Variants in SCARA3 observed in about 807,000 individuals in gnomAD.
The protein encoded by SCARA3 is scavenger receptor class A member 3.
SCARA3 carries 39 observed loss-of-function variants against 47.0 expected under a neutral mutation model. The observed-to-expected ratio is 0.83, with a 90% CI of 0.64 to 1.08. The LOEUF is 1.08. SCARA3 is among the 50% of genes least tolerant of loss of function. The pLI is 0.00. For missense variants in SCARA3, 724 were observed against 792.3 expected, an observed-to-expected ratio of 0.91 and a Z score of 1.04; for synonymous variants, 356 against 334.1, an observed-to-expected ratio of 1.07 and a Z score of -0.71.
chr8:27,686,611 C>T, the SCARA3 span, among the ~76,000 whole-genome samples: 37 of 152,292 alleles, frequency 2.4e-4, no homozygotes, highest in South Asian at 6.0e-3. Context: ...ATCTACACCG[C>T]ACCTCCCTGG....
At chr8:27,730,055 GC>G in the SCARA3 span, among the ~76,000 whole-genome samples, 113 of 152,222 alleles carry the variant, frequency 7.4e-4, no homozygotes, top group African/African-American at 2.7e-3. Flanking sequence ...GGTGCCTGGG[GC>G]CAGTCCTGTT....
At chr8:27,725,539 A>AAC in the SCARA3 span, among the ~76,000 whole-genome samples, 1 of 151,836 alleles carries the variant, frequency 6.6e-6, no homozygotes, top group Non-Finnish European at 1.5e-5. Flanking sequence ...CAAAAAAAAA[A>AAC]AAACCAGAAT....
intron 1 of SCARA3, among the ~76,000 whole-genome samples, chr8:27,640,115 CTT>C (rs1195228849): frequency 6.6e-6 from 1 of 152,106 alleles, no homozygotes; most frequent in African/African-American, 2.4e-5. Context: ...GAAAGAATCT[CTT>C]TATCGGGAGG....
intron 5 of SCARA3, among the ~76,000 whole-genome samples, chr8:27,664,799 G>A (rs1801982175): frequency 6.6e-6 from 1 of 151,090 alleles, no homozygotes; most frequent in Non-Finnish European, 1.5e-5. Context: ...ATGACTAGGA[G>A]TCCTAGTCAT....
In SCARA3 at chr8:27,672,371, A is replaced by T. The variant is rs1410176067; in HGVS notation, c.*1020A>T. 1.0e-6 allele frequency: 1 copy of T among 985,380 alleles called. No individual in the cohort carries two copies. Among genetic ancestry groups the T allele is most frequent in the Non-Finnish European group, 1.2e-6 (1 of 829,992 alleles). 61.0% of individuals were successfully genotyped at this position (985,380 alleles called of 1,614,324 possible). A position where few individuals can be genotyped will look rare whatever the true frequency, so the allele number is the denominator to read the frequency against. On this transcript the variant is annotated 3_prime_UTR_variant, in exon 6 of 6. Transcript: ENST00000301904. ...CTGAGTGGAGATGGGAGACAGAGGC[A>T]GGCCAGAAGGTTCTCTCTGCACAGC...
Position 27,656,532 on chromosome 8 carries a change from C to T in SCARA3, c.227-250C>T, listed in dbSNP as rs181642280. Among the ~76,000 whole-genome samples, 91 of 152,128 alleles carry T rather than the reference C, an allele frequency of 6.0e-4. No individual in the cohort carries two copies. The East Asian group carries it at 8.1e-3, about 14-fold the overall frequency. ...TTTTAATTTTTTTTCTGAATTTTCCCTGTTCCATTCTGTGATCAGGTCCTA... is the reference window on the plus strand; with the variant it reads ...TTTTAATTTTTTTTCTGAATTTTCCTTGTTCCATTCTGTGATCAGGTCCTA... On this transcript the variant is annotated intron_variant, in intron 3 of 5. Transcript: ENST00000301904.
intron 3 of SCARA3, among the ~76,000 whole-genome samples, chr8:27,653,278 T>C (rs1448692434): frequency 6.6e-6 from 1 of 152,136 alleles, no homozygotes; most frequent in Non-Finnish European, 1.5e-5. Flanking sequence ...ATAACATCCA[T>C]GAGTCAGCCT....
Position 27,671,668 on chromosome 8 carries a change from ATGCACACATACACG to A in SCARA3, c.*331_*344del, listed in dbSNP as rs1225182266. 8 of 1,073,826 alleles carry A rather than the reference ATGCACACATACACG, an allele frequency of 7.4e-6. No individual in the cohort carries two copies. In the East Asian group the frequency reaches 1.9e-4, roughly 26 times the overall value. The allele number at this position is 1,073,826 out of a possible 1,614,324, so 66.5% of individuals were successfully genotyped here. A position where few individuals can be genotyped will look rare whatever the true frequency, so the allele number is the denominator to read the frequency against. ...CACACACACATGCACGCACACACACATGCACACATACACGTGCACACATACACAGGCACACATGC... is the reference window on the plus strand; with the variant it reads ...CACACACACATGCACGCACACACACATGCACACATACACAGGCACACATGC... On this transcript the variant is annotated 3_prime_UTR_variant, in exon 6 of 6. Transcript: ENST00000301904.
chr8:27,724,945 G>A, the SCARA3 span, among the ~76,000 whole-genome samples: 7 of 152,176 alleles, frequency 4.6e-5, no homozygotes, highest in African/African-American at 1.7e-4. Flanking sequence ...TTGACTGAAA[G>A]TAGCAAGTCA....
At chr8:27,721,032 T>C in the SCARA3 span, among the ~76,000 whole-genome samples, 449 of 152,126 alleles carry the variant, frequency 3.0e-3, 4 homozygotes, top group Non-Finnish European at 3.0e-3. Flanking sequence ...TGCCAATTCA[T>C]CCATTCATGC....
At chr8:27,708,371 C>G in the SCARA3 span, among the ~76,000 whole-genome samples, 538 of 152,214 alleles carry the variant, frequency 3.5e-3, 1 homozygote, top group Non-Finnish European at 5.6e-3. Context: ...CTTGACTCTG[C>G]TACAAACAAT....
At chr8:27,666,190 T>C (rs1315965968) in intron 5 of SCARA3, among the ~76,000 whole-genome samples, 2 of 152,222 alleles carry the variant, frequency 1.3e-5, no homozygotes, top group Non-Finnish European at 2.9e-5. Context: ...CCTGTGATGC[T>C]GCTGAAAACT....
chr8:27,717,416 A>C, the SCARA3 span, among the ~76,000 whole-genome samples: 1 of 152,250 alleles, frequency 6.6e-6, no homozygotes, highest in African/African-American at 2.4e-5. Context: ...GGAAGGAGTC[A>C]GGCATGGGGC....
At chr8:27,673,086 G>A (rs935260716), downstream of SCARA3, 7 of 815,306 alleles carry the variant, frequency 8.6e-6, no homozygotes, top group African/African-American at 1.1e-4. Flanking sequence ...CACTCCAGGT[G>A]GGCCTCTGAA....
chr8:27,717,731 T>C, the SCARA3 span, among the ~76,000 whole-genome samples: 2 of 151,922 alleles, frequency 1.3e-5, no homozygotes, highest in Non-Finnish European at 2.9e-5. Flanking sequence ...GTTACAGAGA[T>C]ACAAGATCGC....
At chr8:27,649,908 G>T (rs1801595850) in intron 2 of SCARA3, 108 bp downstream of exon 2, 1 of 952,374 alleles carries the variant, frequency 1.1e-6, no homozygotes, top group East Asian at 2.6e-5. Flanking sequence ...CAAAAGCCTG[G>T]GTGTCCTTTC....
At chr8:27,655,977 C>T (rs3824099) in intron 3 of SCARA3, among the ~76,000 whole-genome samples, 15,055 of 152,198 alleles carry the variant, frequency 0.099, 912 homozygotes, top group East Asian at 0.27. Context: ...TTTCAGTTAC[C>T]CTAGGTCAAT....
chr8:27,710,915 AT>A, the SCARA3 span, among the ~76,000 whole-genome samples: 4,639 of 96,724 alleles, frequency 0.048, 84 homozygotes, highest in African/African-American at 0.11. Flanking sequence ...CTCATAGGTG[AT>A]TTTTTTTTTT....
intron 4 of SCARA3, among the ~76,000 whole-genome samples, chr8:27,657,380 G>A (rs569915177): frequency 6.7e-6 from 1 of 149,556 alleles, no homozygotes; most frequent in East Asian, 2.0e-4. Context: ...GTTATATTGC[G>A]TGACACTGAG....
Sources: gnomAD v4.1 joint callset for allele counts (sites outside exome capture counted in the v4.1 genomes callset) on GRCh38, gnomAD v4.1.1 for gene constraint, MANE v1.5 for transcripts, NCBI Gene and HGNC (gene_info 2026-07-23, HGNC 2026-07-21) for gene names.